Variants in RPS6KA2 observed in about 807,000 individuals in gnomAD.
RPS6KA2 encodes the protein ribosomal protein S6 kinase alpha-2.
RPS6KA2 carries 42 observed loss-of-function variants against 91.8 expected under a neutral mutation model. The observed-to-expected ratio is 0.46, with a 90% CI of 0.36 to 0.59. The LOEUF is 0.59. Among genes scored for constraint, RPS6KA2 ranks in the 20% least tolerant of loss-of-function variants. The probability of loss-of-function intolerance (pLI) is 0.00; values close to 1 mark genes in which losing one functional copy is unlikely to be tolerated. For synonymous variants in RPS6KA2, 414 were observed against 393.6 expected (o/e 1.05, Z -0.61); for missense variants, 798 against 978.5 (o/e 0.82, Z 2.46).
At chr6:166,606,450 G>A (rs1785958977) in intron 1 of RPS6KA2, among the ~76,000 whole-genome samples, 1 of 152,242 alleles carries the variant, frequency 6.6e-6, no homozygotes, top group African/African-American at 2.4e-5. Context: ...AAGCAGCGTT[G>A]TGTAGGCCTT....
chr6:166,823,914 G>A lies in RPS6KA2; in HGVS notation c.123+34286C>T, dbSNP rs564995597. On this transcript the variant is annotated intron_variant, in intron 2 of 21. Transcript: ENST00000503859. ...CTGATACGTGGGATAGTATGCTCAC[G>A]TTCTGCTGTTGGGAGTATAAACTGG... is the stretch of plus-strand genomic sequence containing the variant. Among the ~76,000 whole-genome samples, 16 of 152,272 alleles carry A rather than the reference G, an allele frequency of 1.1e-4. No homozygotes were observed. In the South Asian group the frequency reaches 2.3e-3, roughly 22 times the overall value.
chr6:166,421,400 C>T (rs1778714800), intron 17 of RPS6KA2, among the ~76,000 whole-genome samples: 1 of 152,192 alleles, frequency 6.6e-6, no homozygotes, highest in Non-Finnish European at 1.5e-5. Flanking sequence ...GCAGCAGATG[C>T]AGGAGAGCTC....
rs1166375962 is a variant in RPS6KA2, at chr6:166,699,820, C to T, written c.123+158380G>A. On this transcript the variant is annotated intron_variant, in intron 2 of 21. Coordinates refer to the RPS6KA2 transcript ENST00000503859. ...ACTGATTGCACAGTATACAGAAATC[C>T]TGCTATATTTTACTACTTTAGGTGG... 2.0e-5 allele frequency among the ~76,000 whole-genome samples: 3 copies of T among 152,124 alleles called. No homozygotes were observed. In the East Asian group the frequency reaches 5.8e-4, roughly 29 times the overall value.
intron 1 of RPS6KA2, chr6:166,542,544 G>GT (rs1783693937): frequency 6.6e-6 from 1 of 152,308 alleles, no homozygotes; most frequent in South Asian, 2.1e-4. Context: ...ATTTTGTAAC[G>GT]TAAGAAAGAA....
intron 2 of RPS6KA2, among the ~76,000 whole-genome samples, chr6:166,677,770 T>C (rs1788661065): frequency 6.6e-6 from 1 of 152,138 alleles, no homozygotes; most frequent in Non-Finnish European, 1.5e-5. Flanking sequence ...TGGAGCTGTG[T>C]GGGTAGGTGG....
chr6:166,515,328 C>T (rs1197265059), intron 3 of RPS6KA2, among the ~76,000 whole-genome samples: 4 of 152,194 alleles, frequency 2.6e-5, no homozygotes, highest in Admixed American at 2.0e-4. Flanking sequence ...GCTCATCCCC[C>T]GGGAGGGGCC....
At chr6:166,674,038 T>C (rs964161911) in intron 2 of RPS6KA2, among the ~76,000 whole-genome samples, 10 of 152,230 alleles carry the variant, frequency 6.6e-5, no homozygotes, top group Admixed American at 2.0e-4. Context: ...GCTGCATCGC[T>C]GGGGAAAGAG....
intron 6 of RPS6KA2, among the ~76,000 whole-genome samples, 167 bp downstream of exon 6, chr6:166,504,339 C>A (rs762819157): frequency 1.3e-5 from 2 of 152,228 alleles, no homozygotes; most frequent in Non-Finnish European, 2.9e-5. Context: ...TGCATCTGGG[C>A]ACCTGATGCC....
At chr6:166,553,992 C>T (rs1204259118) in intron 1 of RPS6KA2, among the ~76,000 whole-genome samples, 2 of 152,158 alleles carry the variant, frequency 1.3e-5, no homozygotes, top group African/African-American at 2.4e-5. Context: ...ATGCGTATTT[C>T]AGAAGGAGCT....
chr6:166,566,272 C>G (rs955134068), intron 1 of RPS6KA2, among the ~76,000 whole-genome samples: 1 of 152,196 alleles, frequency 6.6e-6, no homozygotes, highest in Admixed American at 6.5e-5. Flanking sequence ...GGTGTCCTTG[C>G]CAGAATATGC....
intron 1 of RPS6KA2, among the ~76,000 whole-genome samples, chr6:166,539,004 C>T (rs945757756): frequency 6.6e-5 from 10 of 151,890 alleles, no homozygotes; most frequent in African/African-American, 1.9e-4. Context: ...GGCTGGATCT[C>T]GGCTCACTGC....
At chr6:166,417,489 T>A (rs1778573290) in intron 19 of RPS6KA2, among the ~76,000 whole-genome samples, 2 of 152,148 alleles carry the variant, frequency 1.3e-5, no homozygotes, top group South Asian at 4.1e-4. Context: ...CTGTGGCAGA[T>A]AGCCTGTGGT....
chr6:166,791,333 C>T (rs1779082643), intron 2 of RPS6KA2, among the ~76,000 whole-genome samples: 1 of 152,122 alleles, frequency 6.6e-6, no homozygotes, highest in Admixed American at 6.5e-5. Context: ...AATATATATG[C>T]ACCCAATACA....
At chr6:166,522,941 T>A (rs743978) in intron 3 of RPS6KA2, among the ~76,000 whole-genome samples, 93,695 of 152,134 alleles carry the variant, frequency 0.62, 29,466 homozygotes, top group African/African-American at 0.74. Flanking sequence ...AAGTATTTTT[T>A]AAAAGACTGA....
intron 1 of RPS6KA2, among the ~76,000 whole-genome samples, chr6:166,564,394 C>T (rs1418402250): frequency 1.3e-5 from 2 of 152,196 alleles, no homozygotes; most frequent in African/African-American, 4.8e-5. Context: ...GGCAGATTCC[C>T]CCTCAGCCTA....
chr6:166,473,627 G>A (rs1269303507), intron 10 of RPS6KA2, among the ~76,000 whole-genome samples: 1 of 152,210 alleles, frequency 6.6e-6, no homozygotes, highest in Non-Finnish European at 1.5e-5. Context: ...TGCCAAAAAT[G>A]TGTGCATTGT....
rs923750546 is a variant in RPS6KA2, at chr6:166,648,297, A to C, written c.124-109513T>G. ...ACACGCATGCACACAGTATGCACAC[A>C]CACGCATGTATACACATGCACACAC... On this transcript the variant is annotated intron_variant, in intron 2 of 21. Coordinates refer to the RPS6KA2 transcript ENST00000503859. This position sits in a 1 kb window ranked among gnomAD's most constrained non-coding sequence, Gnocchi z 4.8. Among the ~76,000 whole-genome samples the C allele has an allele frequency of 1.3e-5, 2 of 152,040 alleles. No homozygotes were observed. The highest frequency in any genetic ancestry group is 4.8e-5 in the African/African-American group (2 of 41,394).
intron 1 of RPS6KA2, among the ~76,000 whole-genome samples, chr6:166,619,758 T>C (rs902843725): frequency 2.6e-5 from 4 of 152,232 alleles, no homozygotes; most frequent in East Asian, 1.9e-4. Context: ...CTCAGAAAGA[T>C]TGTCCACATG....
chr6:166,835,655 G>C (rs183849300), intron 2 of RPS6KA2, among the ~76,000 whole-genome samples: 264 of 152,310 alleles, frequency 1.7e-3, no homozygotes, highest in Non-Finnish European at 2.9e-3. Context: ...CAGATAATTT[G>C]GAATCTTCTA....
Sources: gnomAD v4.1 joint callset for allele counts (sites outside exome capture counted in the v4.1 genomes callset) on GRCh38, gnomAD v4.1.1 for gene constraint, Gnocchi (gnomAD v3.1) non-coding constraint, MANE v1.5 for transcripts, NCBI Gene and HGNC (gene_info 2026-07-23, HGNC 2026-07-21) for gene names.